The following INPP5D variants were observed in gnomAD, a reference collection of about 807,000 sequenced individuals.
INPP5D encodes phosphatidylinositol 3,4,5-trisphosphate 5-phosphatase 1.
Under a neutral mutation model 122.9 loss-of-function variants are expected in INPP5D, and 33 were observed. That is an observed-to-expected ratio of 0.27 (90% CI 0.20 to 0.36). INPP5D has a LOEUF of 0.36. Ranked by LOEUF, INPP5D falls within the 10% of genes least tolerant of loss-of-function variation. INPP5D has a pLI of 1.00. For missense variants in INPP5D, 1,053 were observed against 1,412.7 expected, an observed-to-expected ratio of 0.75 and a Z score of 4.08; for synonymous variants, 584 against 576.2, an observed-to-expected ratio of 1.01 and a Z score of -0.19.
At position 233,128,023 on chromosome 2, in the gene INPP5D, A is replaced by G. The variant is rs979677483; in HGVS notation, c.524+2104A>G. Among the ~76,000 whole-genome samples the G allele has an allele frequency of 2.6e-5, 4 of 152,222 alleles. No homozygotes were observed. The highest frequency in any genetic ancestry group is 5.9e-5 in the Non-Finnish European group (4 of 68,046). On this transcript the variant is annotated intron_variant, in intron 4 of 26. Transcript: ENST00000445964. The surrounding 1 kb of genome is among the most constrained non-coding windows in gnomAD (Gnocchi z 4.5). ...ACATATTTTAATACAGGGGTCCCCA[A>G]CCTGTGGACTATTAGGAACTGGGTG...
At chr2:233,121,493 T>G (rs57852168) in intron 2 of INPP5D, among the ~76,000 whole-genome samples, 6,167 of 145,718 alleles carry the variant, frequency 0.042, 164 homozygotes, top group African/African-American at 0.084. Flanking sequence ...ATAAATGTAC[T>G]ATTTGTATAA....
chr2:233,131,266 C>A, intron 5 of INPP5D: 1 of 312,024 alleles, frequency 3.2e-6, no homozygotes, highest in Non-Finnish European at 4.7e-6. Context: ...GTTAAAAGTG[C>A]AAAAGTAAGG....
chr2:233,119,854 G>A (rs1257555252), intron 2 of INPP5D, among the ~76,000 whole-genome samples: 3 of 152,146 alleles, frequency 2.0e-5, no homozygotes, highest in African/African-American at 7.2e-5. Flanking sequence ...TCCCAGTCTG[G>A]GTCATCCTGC....
Position 233,078,609 on chromosome 2 carries a change from A to G in INPP5D, c.135-726A>G, listed in dbSNP as rs985346516. 4.6e-5 allele frequency among the ~76,000 whole-genome samples: 7 copies of G among 152,048 alleles called. No individual in the cohort carries two copies. Among genetic ancestry groups the G allele is most frequent in the African/African-American group, 1.5e-4 (6 of 41,378 alleles). ...GGCTGGGCCTGGCTTTCCATTCACC[A>G]TGGGCCGCTCTGCTTGGGCCCACTG... is the stretch of plus-strand genomic sequence containing the variant. On this transcript the variant is annotated intron_variant, in intron 1 of 26. Transcript: ENST00000445964. The surrounding 1 kb of genome is among the most constrained non-coding windows in gnomAD (Gnocchi z 4.6).
At chr2:233,080,433 GT>G (rs1691648796) in intron 2 of INPP5D, among the ~76,000 whole-genome samples, 1 of 8,280 alleles carries the variant, frequency 1.2e-4, no homozygotes. Flanking sequence ...CATCCCGGGT[GT>G]GTGTGTGTGT....
At chr2:233,108,148 G>A (rs567404658) in intron 2 of INPP5D, among the ~76,000 whole-genome samples, 2 of 152,224 alleles carry the variant, frequency 1.3e-5, no homozygotes, top group South Asian at 2.1e-4. Flanking sequence ...CACTGAGCCC[G>A]AGTGGCTTGC....
chr2:233,140,911 G>A (rs1052400098), intron 6 of INPP5D: 2 of 152,176 alleles, frequency 1.3e-5, no homozygotes, highest in Non-Finnish European at 2.9e-5. Context: ...TAAACAAGGC[G>A]GTTCACTGAA....
At position 233,198,216 on chromosome 2, in the gene INPP5D, C is replaced by A; in HGVS notation, c.2815C>A (p.Pro939Thr). 6.2e-7 allele frequency: 1 copy of A among 1,613,668 alleles called. No homozygotes were observed. Among genetic ancestry groups the A allele is most frequent in the Non-Finnish European group, 8.5e-7 (1 of 1,179,884 alleles). ...VKQTLSPDQQ[P>T]TAWSYDQPPK... ...GCAGACCTTGTCCCCTGACCAGCAG[C>A]CCACAGCCTGGAGCTACGACCAGCC... Residue 939 changes from proline to threonine, a missense_variant, in exon 25 of 27, where the codon CCC (proline) becomes ACC (threonine). Transcript: ENST00000445964.
At chr2:233,174,565 G>A (rs934070437) in intron 17 of INPP5D, among the ~76,000 whole-genome samples, 1 of 152,200 alleles carries the variant, frequency 6.6e-6, no homozygotes, top group African/African-American at 2.4e-5. Context: ...GCTGAGGCAG[G>A]TAAATCATTT....
chr2:233,116,856 A>G (rs1395775446), intron 2 of INPP5D, among the ~76,000 whole-genome samples: 2 of 152,080 alleles, frequency 1.3e-5, no homozygotes, highest in Admixed American at 1.3e-4. Flanking sequence ...CGGCCTCCCA[A>G]ATTGCTGGGA....
intron 22 of INPP5D, among the ~76,000 whole-genome samples, chr2:233,192,590 T>A (rs750173553): frequency 2.0e-5 from 3 of 152,196 alleles, no homozygotes; most frequent in Non-Finnish European, 4.4e-5. Context: ...TGCATTATAT[T>A]CCATGGACTT....
intron 9 of INPP5D, among the ~76,000 whole-genome samples, chr2:233,153,860 C>A (rs1693983456): frequency 6.6e-6 from 1 of 152,234 alleles, no homozygotes; most frequent in South Asian, 2.1e-4. Flanking sequence ...AGACCCCAGC[C>A]TTCTTCCCTG....
intron 6 of INPP5D, among the ~76,000 whole-genome samples, chr2:233,143,546 G>A (rs1693672491): frequency 2.0e-5 from 3 of 152,194 alleles, no homozygotes; most frequent in East Asian, 1.9e-4. Context: ...CAACCAACAG[G>A]CAGCCATTCT....
At position 233,185,535 on chromosome 2, in the gene INPP5D, T is replaced by C. The variant is rs190909377; in HGVS notation, c.2276-308T>C. Among the ~76,000 whole-genome samples, 335 of 152,068 alleles carry C rather than the reference T, an allele frequency of 2.2e-3. 5 individuals carry two copies. Among genetic ancestry groups the C allele is most frequent in the Admixed American group, 0.019 (290 of 15,264 alleles). On this transcript the variant is annotated intron_variant, in intron 20 of 26. Transcript: ENST00000445964. ...CGAGCTGTCAAGTTTCCTAATCTTT[T>C]TGCCTGTGATGTGATGATTTCTTTG...
At chr2:233,152,043 A>G (rs143864370) in intron 9 of INPP5D, among the ~76,000 whole-genome samples, 18 of 152,308 alleles carry the variant, frequency 1.2e-4, no homozygotes, top group African/African-American at 3.6e-4. Flanking sequence ...TGGGTGCTCT[A>G]GGTAAACCGG....
At chr2:233,155,139 G>C (rs1363628941) in intron 9 of INPP5D, among the ~76,000 whole-genome samples, 2 of 152,028 alleles carry the variant, frequency 1.3e-5, no homozygotes, top group African/African-American at 4.8e-5. Flanking sequence ...AGGAGAAAGA[G>C]AGAAGGGGGA....
intron 22 of INPP5D, among the ~76,000 whole-genome samples, chr2:233,191,124 C>T (rs1314615451): frequency 2.0e-5 from 3 of 152,182 alleles, no homozygotes; most frequent in Admixed American, 6.5e-5. Flanking sequence ...GTGTAATTGA[C>T]TCACAGTTCT....
At chr2:233,193,459 T>C (rs941467371) in intron 22 of INPP5D, among the ~76,000 whole-genome samples, 1 of 152,234 alleles carries the variant, frequency 6.6e-6, no homozygotes, top group Non-Finnish European at 1.5e-5. Flanking sequence ...GTTTTTTCTC[T>C]GTGCAAGTTT....
At chr2:233,068,052 G>T (rs764676694) in intron 1 of INPP5D, among the ~76,000 whole-genome samples, 1 of 152,086 alleles carries the variant, frequency 6.6e-6, no homozygotes, top group Non-Finnish European at 1.5e-5. Context: ...TTGGGAGGCC[G>T]AGGTGGGTGG....
Sources: allele counts gnomAD v4.1 joint callset (sites outside exome capture counted in the v4.1 genomes callset), GRCh38; gene constraint gnomAD v4.1.1; non-coding constraint Gnocchi (gnomAD v3.1); transcripts MANE v1.5; gene names NCBI Gene and HGNC (gene_info 2026-07-23, HGNC 2026-07-21).